The following ADGRV1 variants were observed in gnomAD, a reference collection of about 807,000 sequenced individuals.
ADGRV1 encodes the protein G-protein coupled receptor 98.
Under a neutral mutation model 596.2 loss-of-function variants are expected in ADGRV1, and 359 were observed. The observed-to-expected ratio is 0.60, with a 90% CI of 0.55 to 0.66. The LOEUF (loss-of-function observed/expected upper bound fraction) is 0.66. Among genes scored for constraint, ADGRV1 ranks in the 30% least tolerant of loss-of-function variants. The pLI is 0.00. For missense variants in ADGRV1, 7,274 were observed against 7,575.6 expected (o/e 0.96, Z 1.48); for synonymous variants, 2,681 against 2,679.2 (o/e 1.00, Z -0.02).
At chr5:91,145,673 G>T (rs1795478330) in intron 87 of ADGRV1, among the ~76,000 whole-genome samples, 1 of 151,494 alleles carries the variant, frequency 6.6e-6, no homozygotes, top group African/African-American at 2.4e-5. Flanking sequence ...TCTAATTCAA[G>T]GGGAAATACA....
chr5:90,646,326 A>C (rs1356460139), intron 16 of ADGRV1, among the ~76,000 whole-genome samples: 1 of 152,030 alleles, frequency 6.6e-6, no homozygotes, highest in Non-Finnish European at 1.5e-5. Flanking sequence ...TTTGACTAAT[A>C]CTTCAAAAAT....
chr5:90,786,623 G>A (rs1306387514), intron 67 of ADGRV1, among the ~76,000 whole-genome samples: 1 of 152,146 alleles, frequency 6.6e-6, no homozygotes, highest in African/African-American at 2.4e-5. Flanking sequence ...GCTCAGACAA[G>A]GTGGTGGAAA....
intron 59 of ADGRV1, among the ~76,000 whole-genome samples, chr5:90,764,064 ATTGGGGTCTC>A: frequency 6.6e-6 from 1 of 152,082 alleles, no homozygotes; most frequent in Non-Finnish European, 1.5e-5. Flanking sequence ...GTTGGAATGT[ATTGGGGTCTC>A]TTGGGGAGTG....
At chr5:90,651,817 T>A in intron 18 of ADGRV1, 87 bp downstream of exon 18, 1 of 862,302 alleles carries the variant, frequency 1.2e-6, no homozygotes, top group Non-Finnish European at 1.7e-6. Context: ...CTTCAAAATT[T>A]AAAAATTGGT....
intron 88 of ADGRV1, among the ~76,000 whole-genome samples, chr5:91,152,177 G>A (rs560885405): frequency 5.2e-4 from 79 of 152,296 alleles, no homozygotes; most frequent in African/African-American, 1.5e-3. Context: ...GTGAAGTGCC[G>A]TCAGAGACAT....
intron 59 of ADGRV1, among the ~76,000 whole-genome samples, chr5:90,773,168 CAAA>C (rs36098858): frequency 0.43 from 57,572 of 133,318 alleles, 12,703 homozygotes; most frequent in Admixed American, 0.6. Context: ...GACCCTGTCT[CAAA>C]AAAAAAAAAA....
chr5:91,022,850 CAGG>C (rs1783753520), intron 85 of ADGRV1, among the ~76,000 whole-genome samples: 1 of 152,202 alleles, frequency 6.6e-6, no homozygotes, highest in South Asian at 2.1e-4. Context: ...TTTGTTCCAA[CAGG>C]TTTACAAGTT....
intron 85 of ADGRV1, chr5:91,031,106 C>T: frequency 7.2e-7 from 1 of 1,382,442 alleles, no homozygotes; most frequent in African/African-American, 1.4e-5. Flanking sequence ...TTGGGATCAG[C>T]TCTTGTACAC....
At position 90,750,645 on chromosome 5, in the gene ADGRV1, T is replaced by C. The variant is rs1252709508; in HGVS notation, c.11069T>C (p.Ile3690Thr). The C allele has an allele frequency of 1.9e-6, 3 of 1,612,678 alleles. No homozygotes were observed. The highest frequency in any genetic ancestry group is 2.2e-5 in the South Asian group (2 of 91,012). Residue 3690 changes from isoleucine to threonine, a missense_variant, in exon 53 of 90, where the codon ATA becomes ACA. By Grantham distance (89) the Ile-to-Thr change is moderately conservative. Coordinates refer to ENST00000405460, the MANE Select transcript of ADGRV1 (RefSeq NM_032119.4). ...RLKGTYGRIT[I>T]AWEADGSISD... ...AAAGGAACATATGGCCGTATAACCA[T>C]AGCATGGGAAGCTGATGGAAGTATT...
intron 83 of ADGRV1, among the ~76,000 whole-genome samples, chr5:90,922,100 C>T (rs919403668): frequency 1.3e-5 from 2 of 152,156 alleles, no homozygotes; most frequent in Non-Finnish European, 2.9e-5. Flanking sequence ...TGGACAGTCC[C>T]GTATCTGTGC....
intron 88 of ADGRV1, 124 bp from the exon 89 acceptor site, chr5:91,153,097 G>A: frequency 1.5e-6 from 1 of 687,214 alleles, no homozygotes; most frequent in Admixed American, 2.9e-5. Flanking sequence ...TCAAAACAAT[G>A]CCACTGCCGT....
At chr5:90,704,173 C>T (rs913365623) in intron 35 of ADGRV1, among the ~76,000 whole-genome samples, 3 of 152,128 alleles carry the variant, frequency 2.0e-5, no homozygotes, top group African/African-American at 7.2e-5. Context: ...TGTTCATTAG[C>T]TCAGCATTCA....
intron 21 of ADGRV1, among the ~76,000 whole-genome samples, chr5:90,669,673 A>G (rs1231677267): frequency 6.6e-6 from 1 of 152,164 alleles, no homozygotes; most frequent in Non-Finnish European, 1.5e-5. Context: ...ATAACACTAG[A>G]TGTGGTTAAG....
intron 83 of ADGRV1, among the ~76,000 whole-genome samples, chr5:90,962,847 T>C (rs1333907938): frequency 1.3e-5 from 2 of 152,206 alleles, no homozygotes; most frequent in Non-Finnish European, 2.9e-5. Flanking sequence ...TATCAAATCA[T>C]AGCTTAGGAA....
intron 83 of ADGRV1, among the ~76,000 whole-genome samples, chr5:90,954,833 T>G (rs1327302359): frequency 6.6e-6 from 1 of 151,936 alleles, no homozygotes; most frequent in African/African-American, 2.4e-5. Flanking sequence ...AGTAATTAAT[T>G]AGAGTGAATT....
At chr5:90,778,395 T>C in intron 62 of ADGRV1, 32 bp from the exon 63 acceptor site, 2 of 1,589,600 alleles carry the variant, frequency 1.3e-6, no homozygotes, top group Non-Finnish European at 1.7e-6. Flanking sequence ...TTCCACAGAT[T>C]CTACTGTTGA....
intron 85 of ADGRV1, among the ~76,000 whole-genome samples, chr5:91,015,847 G>A (rs1416963262): frequency 6.6e-6 from 1 of 151,842 alleles, no homozygotes; most frequent in Non-Finnish European, 1.5e-5. Context: ...CTTTTAAATG[G>A]GGCATTTAGC....
At chr5:90,578,890 T>C (rs912022186) in intron 1 of ADGRV1, among the ~76,000 whole-genome samples, 1 of 152,234 alleles carries the variant, frequency 6.6e-6, no homozygotes, top group African/African-American at 2.4e-5. Flanking sequence ...TTTTCTAGTT[T>C]ATTTGTGTAG....
At chr5:90,826,978 A>G (rs1436409404) in intron 76 of ADGRV1, among the ~76,000 whole-genome samples, 1 of 152,170 alleles carries the variant, frequency 6.6e-6, no homozygotes. Context: ...TTATGATTCT[A>G]TATTAGTAAA....
Sources: allele counts gnomAD v4.1 joint callset (sites outside exome capture counted in the v4.1 genomes callset), GRCh38; gene constraint gnomAD v4.1.1; transcripts MANE v1.5; gene names NCBI Gene and HGNC (gene_info 2026-07-23, HGNC 2026-07-21).